The following ME3 variants were observed in gnomAD, a reference collection of about 807,000 sequenced individuals.
ME3 encodes the protein malic enzyme 3.
ME3 carries 48 observed loss-of-function variants against 68.9 expected under a neutral mutation model. The ratio of observed to expected loss-of-function variants is 0.70; its 90% CI spans 0.55 to 0.89. The LOEUF (loss-of-function observed/expected upper bound fraction) is 0.89, where lower values mean the gene tolerates loss of function less well. Among genes scored for constraint, ME3 ranks in the 40% least tolerant of loss-of-function variants. ME3 has a pLI of 0.00. For synonymous variants in ME3, 320 were observed against 318.8 expected, an observed-to-expected ratio of 1.00 and a Z score of -0.04; for missense variants, 675 against 797.4, an observed-to-expected ratio of 0.85 and a Z score of 1.85.
At chr11:86,628,021 G>A (rs533096987) in intron 2 of ME3, among the ~76,000 whole-genome samples, 5 of 152,190 alleles carry the variant, frequency 3.3e-5, no homozygotes, top group Non-Finnish European at 2.9e-5. Context: ...ACTGTGCTAC[G>A]CAGCCTGAGA....
intron 2 of ME3, among the ~76,000 whole-genome samples, chr11:86,652,352 G>C (rs1044364358): frequency 6.6e-6 from 1 of 152,072 alleles, no homozygotes; most frequent in Non-Finnish European, 1.5e-5. Context: ...GAAAAGGCTC[G>C]GGTTACCCAC....
intron 7 of ME3, among the ~76,000 whole-genome samples, chr11:86,480,151 T>C (rs1951318109): frequency 6.6e-6 from 1 of 152,238 alleles, no homozygotes; most frequent in Non-Finnish European, 1.5e-5. Flanking sequence ...TTGAATCTCA[T>C]TACAGTGCCT....
intron 2 of ME3, among the ~76,000 whole-genome samples, chr11:86,584,106 T>G (rs1958595783): frequency 6.6e-6 from 1 of 152,106 alleles, no homozygotes; most frequent in Non-Finnish European, 1.5e-5. Flanking sequence ...AAGGAACTCT[T>G]ACAACTCAAT....
intron 4 of ME3, among the ~76,000 whole-genome samples, chr11:86,548,557 G>A (rs745370636): frequency 6.6e-6 from 1 of 152,228 alleles, no homozygotes; most frequent in Non-Finnish European, 1.5e-5. Flanking sequence ...CACTTCTGCA[G>A]ATAAGCCTGC....
chr11:86,462,607 T>C, intron 8 of ME3: 1 of 1,288,098 alleles, frequency 7.8e-7, no homozygotes, highest in Non-Finnish European at 1.0e-6. Flanking sequence ...AGTTTGTATG[T>C]GTAGACATCA....
chr11:86,506,416 C>T (rs1462589282), intron 5 of ME3, among the ~76,000 whole-genome samples: 1 of 152,180 alleles, frequency 6.6e-6, no homozygotes, highest in African/African-American at 2.4e-5. Flanking sequence ...AATTTGAGGG[C>T]AGAGTCCATG....
intron 4 of ME3, among the ~76,000 whole-genome samples, chr11:86,551,404 A>AGT (rs1294722189): frequency 6.6e-6 from 1 of 151,762 alleles, no homozygotes; most frequent in Non-Finnish European, 1.5e-5. Flanking sequence ...CAAGTGTGAG[A>AGT]GTGTGTGTGT....
intron 4 of ME3, among the ~76,000 whole-genome samples, chr11:86,509,273 G>T: frequency 6.6e-6 from 1 of 152,194 alleles, no homozygotes; most frequent in East Asian, 1.9e-4. Flanking sequence ...CTAGGCCTGA[G>T]TCCGTGACTG....
intron 2 of ME3, among the ~76,000 whole-genome samples, chr11:86,629,990 C>T (rs1295207845): frequency 6.6e-6 from 1 of 152,138 alleles, no homozygotes; most frequent in Non-Finnish European, 1.5e-5. Flanking sequence ...AATGCCTACA[C>T]AAGCACTTGT....
chr11:86,595,306 TAG>T (rs34224480), intron 2 of ME3, among the ~76,000 whole-genome samples: 1,572 of 79,774 alleles, frequency 0.02, 118 homozygotes, highest in Middle Eastern at 0.056. Flanking sequence ...TATATATATA[TAG>T]AGAGAGAGAG....
chr11:86,658,132 A>ATT (rs11387187), intron 2 of ME3, among the ~76,000 whole-genome samples: 2,233 of 148,408 alleles, frequency 0.015, 43 homozygotes, highest in African/African-American at 0.033. Context: ...CTTCTTCACA[A>ATT]TTTTTTTTTT....
intron 2 of ME3, among the ~76,000 whole-genome samples, chr11:86,594,689 CA>C (rs1367583434): frequency 2.8e-5 from 4 of 145,222 alleles, no homozygotes; most frequent in Admixed American, 7.4e-5. Context: ...AAAAACAATA[CA>C]AAAAAACACA....
intron 2 of ME3, among the ~76,000 whole-genome samples, chr11:86,630,008 C>T (rs527263710): frequency 2.0e-5 from 3 of 152,238 alleles, no homozygotes; most frequent in Admixed American, 2.0e-4. Flanking sequence ...TGTTTCAGAA[C>T]TCTAGACCTG....
At chr11:86,563,064 C>G (rs1471767965) in intron 2 of ME3, among the ~76,000 whole-genome samples, 1 of 152,120 alleles carries the variant, frequency 6.6e-6, no homozygotes, top group East Asian at 1.9e-4. Flanking sequence ...TTTATCCACT[C>G]TATCATTGAT....
In ME3 at chr11:86,441,756, G is replaced by A. The variant is rs190440775; in HGVS notation, c.1654-316C>T. On this transcript the variant is annotated intron_variant, in intron 14 of 14. Transcript: ENST00000543262. ...CTCAGTTTCCTCATCTGTAAAATGG[G>A]AGTAAAGAGACCTTTCTCTGGAGCA... is the stretch of plus-strand genomic sequence containing the variant. Among the ~76,000 whole-genome samples, 734 of 152,290 alleles carry A rather than the reference G, an allele frequency of 4.8e-3. 4 individuals carry two copies. Among genetic ancestry groups the A allele is most frequent in the Non-Finnish European group, 7.5e-3 (508 of 68,028 alleles).
Position 86,496,616 on chromosome 11 carries a change from A to G in ME3, c.705+1347T>C, listed in dbSNP as rs77976234. ...TTACTTCTAGAAATTTATCCTAAGGAAATACTCAGAGATAGGGACAAAGAC... is the reference window on the plus strand; with the variant it reads ...TTACTTCTAGAAATTTATCCTAAGGGAATACTCAGAGATAGGGACAAAGAC... On this transcript the variant is annotated intron_variant, in intron 6 of 14. Transcript: ENST00000543262. Among the ~76,000 whole-genome samples the G allele has an allele frequency of 4.3e-4, 65 of 152,282 alleles. 1 individual carries two copies. The highest frequency in any genetic ancestry group is 3.4e-3 in the Middle Eastern group (1 of 294).
intron 2 of ME3, among the ~76,000 whole-genome samples, chr11:86,591,435 T>C (rs1405286753): frequency 6.6e-6 from 1 of 152,108 alleles, no homozygotes; most frequent in African/African-American, 2.4e-5. Flanking sequence ...ATGATGGGTG[T>C]CATAGCAAGA....
At chr11:86,452,981 A>C (rs1327237635) in intron 8 of ME3, among the ~76,000 whole-genome samples, 1 of 151,454 alleles carries the variant, frequency 6.6e-6, no homozygotes, top group Non-Finnish European at 1.5e-5. Context: ...ATTTTGTTAG[A>C]GGTTTTGTTT....
intron 2 of ME3, among the ~76,000 whole-genome samples, chr11:86,589,981 C>T (rs536246627): frequency 3.3e-5 from 5 of 152,228 alleles, no homozygotes; most frequent in East Asian, 1.9e-4. Flanking sequence ...TAGCCTCTAT[C>T]CCCAGCTCTG....
Sources: allele counts gnomAD v4.1 joint callset (sites outside exome capture counted in the v4.1 genomes callset), GRCh38; gene constraint gnomAD v4.1.1; transcripts MANE v1.5; gene names NCBI Gene and HGNC (gene_info 2026-07-23, HGNC 2026-07-21).